The following PALLD variants were observed in gnomAD, a reference collection of about 807,000 sequenced individuals.
The protein encoded by PALLD is palladin.
Under a neutral mutation model 123.5 loss-of-function variants are expected in PALLD, and 61 were observed. The ratio of observed to expected loss-of-function variants is 0.49; its 90% CI spans 0.40 to 0.61. The LOEUF (loss-of-function observed/expected upper bound fraction) is 0.61. PALLD is among the 20% of genes least tolerant of loss of function. PALLD has a pLI of 0.00. For missense variants in PALLD, 1,273 were observed against 1,377.0 expected (o/e 0.92, Z 1.20); for synonymous variants, 465 against 496.4 (o/e 0.94, Z 0.84).
chr4:168,617,732 A>T (rs1204515353), intron 2 of PALLD, among the ~76,000 whole-genome samples: 7 of 152,172 alleles, frequency 4.6e-5, no homozygotes, highest in Non-Finnish European at 1.0e-4. Context: ...CCAACCATAC[A>T]AGACTTACTA....
chr4:168,734,810 G>C (rs1268958053), intron 10 of PALLD, among the ~76,000 whole-genome samples: 1 of 152,132 alleles, frequency 6.6e-6, no homozygotes, highest in Non-Finnish European at 1.5e-5. Flanking sequence ...TGTAGTCCCA[G>C]CTACTTGAGA....
intron 10 of PALLD, among the ~76,000 whole-genome samples, chr4:168,880,815 A>T (rs998360825): frequency 6.6e-6 from 1 of 152,254 alleles, no homozygotes; most frequent in Non-Finnish European, 1.5e-5. Context: ...GATTATATGT[A>T]ACACAATGAA....
At chr4:168,877,649 G>T in intron 10 of PALLD, 1 of 796,710 alleles carries the variant, frequency 1.3e-6, no homozygotes, top group Non-Finnish European at 1.6e-6. Flanking sequence ...ATGTCCACAA[G>T]CTGAGCTCAC....
intron 3 of PALLD, among the ~76,000 whole-genome samples, chr4:168,679,993 A>G (rs914655717): frequency 5.9e-5 from 9 of 152,142 alleles, no homozygotes; most frequent in Non-Finnish European, 1.2e-4. Flanking sequence ...TTCAATGTCA[A>G]TAAAAGACTG....
intron 10 of PALLD, among the ~76,000 whole-genome samples, chr4:168,872,535 T>A (rs1404129435): frequency 6.6e-6 from 1 of 152,248 alleles, no homozygotes; most frequent in Admixed American, 6.5e-5. Flanking sequence ...TAGCATTTTT[T>A]TGTTTATGGT....
At position 168,743,468 on chromosome 4, in the gene PALLD, T is replaced by C. The variant is rs186945459; in HGVS notation, c.1964+31545T>C. On this transcript the variant is annotated intron_variant, in intron 10 of 21. Transcript: ENST00000505667. ...TTTGGATAAAAGACATTAATGATGA[T>C]GTTTCCTGTCCTATCACTAGGCAGT... is the stretch of plus-strand genomic sequence containing the variant. 1.4e-3 allele frequency among the ~76,000 whole-genome samples: 215 copies of C among 152,320 alleles called. 1 individual carries two copies. Among genetic ancestry groups the C allele is most frequent in the Non-Finnish European group, 2.6e-3 (177 of 68,026 alleles).
intron 2 of PALLD, among the ~76,000 whole-genome samples, chr4:168,593,818 T>C (rs1771703024): frequency 6.6e-6 from 1 of 152,266 alleles, no homozygotes. Flanking sequence ...TTGGGTGTTC[T>C]ATGTACATCT....
intron 2 of PALLD, among the ~76,000 whole-genome samples, chr4:168,533,613 A>G (rs1272945651): frequency 6.6e-6 from 1 of 152,200 alleles, no homozygotes; most frequent in African/African-American, 2.4e-5. Flanking sequence ...TCTGAGGTAT[A>G]GGAAGAGCAT....
chr4:168,808,697 G>A (rs550031498), intron 10 of PALLD, among the ~76,000 whole-genome samples: 283 of 152,318 alleles, frequency 1.9e-3, no homozygotes, highest in African/African-American at 6.7e-3. Context: ...GGCAGAAGGT[G>A]AAAGGCACAT....
chr4:168,620,692 C>A (rs1774685662), intron 2 of PALLD, among the ~76,000 whole-genome samples: 2 of 152,150 alleles, frequency 1.3e-5, no homozygotes, highest in Admixed American at 1.3e-4. Context: ...GCCTCACACA[C>A]CCTGACTTTC....
At chr4:168,595,547 T>C (rs1771893529) in intron 2 of PALLD, among the ~76,000 whole-genome samples, 1 of 152,186 alleles carries the variant, frequency 6.6e-6, no homozygotes, top group Non-Finnish European at 1.5e-5. Flanking sequence ...ATTGGCCTTT[T>C]AGTGCCAAAA....
At chr4:168,658,704 T>C (rs764202672) in intron 2 of PALLD, among the ~76,000 whole-genome samples, 1 of 152,236 alleles carries the variant, frequency 6.6e-6, no homozygotes, top group Non-Finnish European at 1.5e-5. Flanking sequence ...TTTTTGTAGT[T>C]GAGTTTTATC....
chr4:168,733,061 T>C (rs559632661), intron 10 of PALLD, among the ~76,000 whole-genome samples: 4 of 152,200 alleles, frequency 2.6e-5, no homozygotes, highest in African/African-American at 7.2e-5. Context: ...TTAACTGATA[T>C]ATCATAGTTG....
intron 2 of PALLD, among the ~76,000 whole-genome samples, chr4:168,554,550 T>C (rs1357261248): frequency 1.3e-5 from 2 of 152,226 alleles, no homozygotes; most frequent in Non-Finnish European, 2.9e-5. Flanking sequence ...ATTTTTAGAA[T>C]TGTTTAAAAC....
At chr4:168,803,953 GA>G in intron 10 of PALLD, among the ~76,000 whole-genome samples, 1 of 152,294 alleles carries the variant, frequency 6.6e-6, no homozygotes, top group East Asian at 1.9e-4. Flanking sequence ...GGATTCCTGG[GA>G]ATGCTGTTCA....
At position 168,711,628 on chromosome 4, in the gene PALLD, G is replaced by T; in HGVS notation, c.1669G>T (p.Asp557Tyr). 1 of 1,614,010 alleles carries T rather than the reference G, an allele frequency of 6.2e-7. No individual in the cohort carries two copies. Among genetic ancestry groups the T allele is most frequent in the South Asian group, 1.1e-5 (1 of 91,022 alleles). Reference sequence around the variant, plus strand: ...CGAGTCAATGGGAGAATCCAACAATGACCACTTCCAACACTTTCCACCTCC... The same window carrying T: ...CGAGTCAATGGGAGAATCCAACAATTACCACTTCCAACACTTTCCACCTCC... Reference protein sequence around the residue: ...SYESMGESNNDHFQHFPPPPP... With the variant: ...SYESMGESNNYHFQHFPPPPP... The change falls in exon 10 of 22, where the codon GAC becomes TAC. Residue 557 changes from aspartate (D) to tyrosine (Y), a missense_variant. Asp to Tyr is a radical substitution (Grantham distance 160). Transcript: ENST00000505667.
chr4:168,511,245 T>C (rs889440181), intron 1 of PALLD, among the ~76,000 whole-genome samples, 178 bp from the exon 2 acceptor site: 1 of 152,230 alleles, frequency 6.6e-6, no homozygotes, highest in African/African-American at 2.4e-5. Context: ...TCACAGGGCA[T>C]GTATTAAAAT....
intron 10 of PALLD, among the ~76,000 whole-genome samples, chr4:168,737,868 T>G (rs1363841151): frequency 6.6e-6 from 1 of 152,198 alleles, no homozygotes; most frequent in Admixed American, 6.5e-5. Flanking sequence ...GGGTGATTGC[T>G]GAGATGCTGT....
chr4:168,707,775 C>T (rs1171240942), intron 8 of PALLD, among the ~76,000 whole-genome samples: 4 of 152,184 alleles, frequency 2.6e-5, no homozygotes, highest in African/African-American at 7.2e-5. Flanking sequence ...CGGTCTTATG[C>T]TACCCCCAAA....
Sources: allele counts gnomAD v4.1 joint callset (sites outside exome capture counted in the v4.1 genomes callset), GRCh38; gene constraint gnomAD v4.1.1; transcripts MANE v1.5; gene names NCBI Gene and HGNC (gene_info 2026-07-23, HGNC 2026-07-21).